The following CCSER1 variants were observed in gnomAD, a reference collection of about 807,000 sequenced individuals.
The protein encoded by CCSER1 is serine-rich coiled-coil domain-containing protein 1.
Under a neutral mutation model 82.0 loss-of-function variants are expected in CCSER1, and 41 were observed. That is an observed-to-expected ratio of 0.50 (90% CI 0.39 to 0.65). CCSER1 has a LOEUF of 0.65. Ranked by LOEUF, CCSER1 falls within the 30% of genes least tolerant of loss-of-function variation. The probability of loss-of-function intolerance (pLI) is 0.00; values close to 1 mark genes in which losing one functional copy is unlikely to be tolerated. For synonymous variants in CCSER1, 414 were observed against 383.9 expected (o/e 1.08, Z -0.92); for missense variants, 1,119 against 1,064.2 (o/e 1.05, Z -0.72).
rs151049455 is a variant in CCSER1, at chr4:90,869,266, A to G, written c.2094+53421A>G. On this transcript the variant is annotated intron_variant, in intron 8 of 10. Coordinates refer to ENST00000509176, the MANE Select transcript of CCSER1 (RefSeq NM_001145065.2). ...TGCTTTGGGGTATAATACTCAAGAA[A>G]TCTTTACCCAGACCAAAGTCCTAGA... 4.8e-4 allele frequency among the ~76,000 whole-genome samples: 73 copies of G among 152,050 alleles called. 1 individual carries two copies. The East Asian group carries it at 0.012, about 25-fold the overall frequency.
intron 10 of CCSER1, among the ~76,000 whole-genome samples, chr4:91,356,194 C>T (rs1748819258): frequency 6.6e-6 from 1 of 152,354 alleles, no homozygotes; most frequent in African/African-American, 2.4e-5. Context: ...GGCCAGGGCC[C>T]TACAGTCTGG....
At chr4:90,951,941 C>T (rs540949254) in intron 9 of CCSER1, among the ~76,000 whole-genome samples, 1 of 151,188 alleles carries the variant, frequency 6.6e-6, no homozygotes, top group South Asian at 2.1e-4. Context: ...TAATTTTACA[C>T]GCACACACAT....
chr4:90,227,706 G>C lies in CCSER1; in HGVS notation c.-41-80538G>C, dbSNP rs538474333. On this transcript the variant is annotated intron_variant, in intron 1 of 10. Coordinates refer to ENST00000509176, the MANE Select transcript of CCSER1 (RefSeq NM_001145065.2). ...GGGTGATTTCTGCATTTTCGTCTGA[G>C]GTACTGGGTTCATCTCACTAGGGAG... Among the ~76,000 whole-genome samples the C allele has an allele frequency of 1.3e-4, 20 of 152,314 alleles. No individual in the cohort carries two copies. In the East Asian group the frequency reaches 3.7e-3, roughly 28 times the overall value.
intron 1 of CCSER1, among the ~76,000 whole-genome samples, chr4:90,271,575 A>G (rs1180614520): frequency 6.6e-6 from 1 of 151,904 alleles, no homozygotes; most frequent in East Asian, 1.9e-4. Context: ...AGGAAATTGA[A>G]CTGGGCAAAG....
intron 9 of CCSER1, among the ~76,000 whole-genome samples, chr4:90,978,849 A>T (rs1735846292): frequency 6.6e-6 from 1 of 151,756 alleles, no homozygotes; most frequent in Non-Finnish European, 1.5e-5. Context: ...CTCCTATAAA[A>T]TTTCACTTCA....
At chr4:91,495,699 T>C (rs1186292473) in intron 10 of CCSER1, among the ~76,000 whole-genome samples, 1 of 151,574 alleles carries the variant, frequency 6.6e-6, no homozygotes, top group Admixed American at 6.6e-5. Flanking sequence ...CAAAACATAT[T>C]GTCTGATTTT....
Position 90,312,859 on chromosome 4 carries a change from A to G in CCSER1, c.1325-4A>G, listed in dbSNP as rs1735550893. On this transcript the variant is annotated splice_polypyrimidine_tract_variant and splice_region_variant and intron_variant, in intron 2 of 10. Transcript: ENST00000509176. ...TTCATTTTTATTTATTTTCCTTTCC[A>G]TAGTTCTTGCCAGTAGTCTCAGTCC... 6.5e-7 allele frequency: 1 copy of G among 1,544,214 alleles called. No homozygotes were observed. Among genetic ancestry groups the G allele is most frequent in the South Asian group, 1.2e-5 (1 of 82,544 alleles).
intron 1 of CCSER1, among the ~76,000 whole-genome samples, chr4:90,145,907 C>T (rs1004004038): frequency 2.6e-5 from 4 of 151,844 alleles, no homozygotes; most frequent in African/African-American, 9.7e-5. Context: ...CTTAGGGTAC[C>T]TTTTTTTCCC....
chr4:90,423,934 A>C (rs1450142809), intron 4 of CCSER1, among the ~76,000 whole-genome samples: 1 of 151,756 alleles, frequency 6.6e-6, no homozygotes, highest in African/African-American at 2.4e-5. Flanking sequence ...TACTAAAAAT[A>C]CAAAAAATTA....
intron 10 of CCSER1, among the ~76,000 whole-genome samples, chr4:91,361,037 C>A (rs1749210927): frequency 6.6e-6 from 1 of 151,660 alleles, no homozygotes; most frequent in Admixed American, 6.6e-5. Context: ...TAAATAAGGT[C>A]TTGAAGAGTT....
intron 8 of CCSER1, among the ~76,000 whole-genome samples, chr4:90,889,488 C>G (rs1181733737): frequency 6.6e-6 from 1 of 152,002 alleles, no homozygotes; most frequent in African/African-American, 2.4e-5. Context: ...GAACTGTTTT[C>G]AATACTTTGG....
intron 6 of CCSER1, among the ~76,000 whole-genome samples, chr4:90,684,952 A>G (rs534290527): frequency 9.9e-5 from 15 of 152,266 alleles, no homozygotes; most frequent in Non-Finnish European, 2.1e-4. Flanking sequence ...CTGTAAGTCC[A>G]TTAATCCCTT....
chr4:90,819,121 T>C (rs1759411532), intron 8 of CCSER1, among the ~76,000 whole-genome samples: 1 of 152,238 alleles, frequency 6.6e-6, no homozygotes, highest in African/African-American at 2.4e-5. Flanking sequence ...CTTTTCGGTA[T>C]GTGCTCCCAT....
At chr4:90,981,550 C>A (rs561488445) in intron 9 of CCSER1, among the ~76,000 whole-genome samples, 6 of 151,812 alleles carry the variant, frequency 4.0e-5, no homozygotes, top group African/African-American at 1.4e-4. Flanking sequence ...TAAGTTTAAA[C>A]ATCACAAGGG....
intron 7 of CCSER1, among the ~76,000 whole-genome samples, chr4:90,749,350 A>G (rs1748145963): frequency 1.3e-5 from 2 of 151,578 alleles, no homozygotes; most frequent in East Asian, 1.9e-4. Flanking sequence ...ATAGTTGTAG[A>G]TATGCGGCGT....
intron 1 of CCSER1, among the ~76,000 whole-genome samples, chr4:90,273,358 A>G (rs995981457): frequency 2.6e-5 from 4 of 152,158 alleles, no homozygotes; most frequent in African/African-American, 9.6e-5. Flanking sequence ...AAGATAATTG[A>G]AAGAATATAA....
chr4:91,238,134 G>C (rs148364332), intron 10 of CCSER1, among the ~76,000 whole-genome samples: 1 of 152,006 alleles, frequency 6.6e-6, no homozygotes, highest in Non-Finnish European at 1.5e-5. Context: ...CCCTTGATTG[G>C]GTTACTAATC....
chr4:90,618,474 G>A (rs1480760071), intron 5 of CCSER1, among the ~76,000 whole-genome samples: 1 of 151,656 alleles, frequency 6.6e-6, no homozygotes, highest in African/African-American at 2.4e-5. Context: ...CCCATTTTGT[G>A]CATTCTTCAA....
chr4:91,047,062 A>G (rs1742567837), intron 9 of CCSER1, among the ~76,000 whole-genome samples: 1 of 152,142 alleles, frequency 6.6e-6, no homozygotes, highest in Non-Finnish European at 1.5e-5. Context: ...TCCACTGACT[A>G]AAACTCAGTT....
Sources: gnomAD v4.1 joint callset for allele counts (sites outside exome capture counted in the v4.1 genomes callset) on GRCh38, gnomAD v4.1.1 for gene constraint, MANE v1.5 for transcripts, NCBI Gene and HGNC (gene_info 2026-07-23, HGNC 2026-07-21) for gene names.